Variants in DGKH observed in about 807,000 individuals in gnomAD.
DGKH encodes DAG kinase eta.
DGKH carries 90 observed loss-of-function variants against 159.3 expected under a neutral mutation model. That is an observed-to-expected ratio of 0.57 (90% CI 0.48 to 0.67). The LOEUF (loss-of-function observed/expected upper bound fraction) is 0.67, where lower values mean the gene tolerates loss of function less well. DGKH is among the 30% of genes least tolerant of loss of function. The pLI is 0.00. For missense variants in DGKH, 1,181 were observed against 1,506.1 expected (o/e 0.78, Z 3.57); for synonymous variants, 536 against 553.8 (o/e 0.97, Z 0.45).
At chr13:42,060,724 C>T (rs1051591158) in intron 1 of DGKH, among the ~76,000 whole-genome samples, 13 of 152,178 alleles carry the variant, frequency 8.5e-5, no homozygotes, top group African/African-American at 2.7e-4. Flanking sequence ...CACTCATAGT[C>T]AGTGGTCACC....
chr13:42,214,513 T>G lies in DGKH; in HGVS notation c.3021T>G (p.Cys1007Trp). 6.2e-7 allele frequency: 1 copy of G among 1,611,052 alleles called. No homozygotes were observed. Residue 1007 changes from cysteine (C) to tryptophan (W), a missense_variant, in exon 25 of 30, where the codon TGT becomes TGG. Around this residue, in one of 5 missense-constraint regions of DGKH, gnomAD observed 335 missense variants for 495.2 expected, o/e 0.68. Coordinates refer to ENST00000337343, the MANE Select transcript of DGKH (RefSeq NM_178009.5). Reference protein sequence around the residue: ...QAAEELITRICDAATIHCLLE... With the variant: ...QAAEELITRIWDAATIHCLLE... The stretch of plus-strand genomic sequence containing the variant: ...GTTTCATTTTTGCTTTTAGGATATG[T>G]GACGCAGCCACAATTCACTGTCTTT...
Position 42,160,037 on chromosome 13 carries a change from G to A in DGKH, c.756G>A (p.Glu252=), listed in dbSNP as rs1457519010. Residue 252 remains glutamate, a synonymous_variant, in exon 7 of 30, where the codon GAG becomes GAA. Transcript: ENST00000337343. ...TCGCGATGCCTCACCAGTGGCTTGAGGGCAACCTGCCTGTAAGTGCCAAGT... is the reference window on the plus strand; with the variant it reads ...TCGCGATGCCTCACCAGTGGCTTGAAGGCAACCTGCCTGTAAGTGCCAAGT... ...DGVAMPHQWL[E]GNLPVSAKCA... is the part of the protein sequence containing the mutation. 3.1e-6 allele frequency: 5 copies of A among 1,614,200 alleles called. No homozygotes were observed. Among genetic ancestry groups the A allele is most frequent in the Non-Finnish European group, 4.2e-6 (5 of 1,180,042 alleles).
At chr13:42,058,250 T>G (rs1881900392) in intron 1 of DGKH, among the ~76,000 whole-genome samples, 1 of 152,198 alleles carries the variant, frequency 6.6e-6, no homozygotes, top group Non-Finnish European at 1.5e-5. Flanking sequence ...TGAAATGACA[T>G]ATAACAAAAC....
chr13:42,085,672 A>C (rs929381865), intron 1 of DGKH, among the ~76,000 whole-genome samples: 2 of 152,248 alleles, frequency 1.3e-5, no homozygotes, highest in Admixed American at 6.5e-5. Flanking sequence ...AAAACGAGCC[A>C]GAGTTTGATT....
chr13:42,118,000 G>A (rs1159646227), intron 1 of DGKH, among the ~76,000 whole-genome samples: 1 of 152,082 alleles, frequency 6.6e-6, no homozygotes, highest in Non-Finnish European at 1.5e-5. Flanking sequence ...GGCGGATCAC[G>A]AGGTCAGGAG....
rs2138320223 is a variant in DGKH at position 42,239,570 on chromosome 13, G to A, written c.*10382G>A. The A allele has an allele frequency of 6.6e-6, 1 of 152,556 alleles. No individual in the cohort carries two copies. The highest frequency in any genetic ancestry group is 1.9e-4 in the East Asian group (1 of 5,184). The allele number at this position is 152,556 out of a possible 1,614,324, so 9.5% of individuals were successfully genotyped here. The stretch of plus-strand genomic sequence containing the variant: ...TTCTCATTAGTTGCAGTAAAGTGTT[G>A]ATTTCATTGCTGCCTTTCAGGCCTT... On this transcript the variant is annotated 3_prime_UTR_variant, in exon 30 of 30. Coordinates refer to ENST00000337343, the MANE Select transcript of DGKH (RefSeq NM_178009.5).
intron 1 of DGKH, among the ~76,000 whole-genome samples, chr13:42,086,161 G>T (rs552337759): frequency 6.6e-6 from 1 of 152,008 alleles, no homozygotes; most frequent in East Asian, 1.9e-4. Context: ...CAAGTAATCC[G>T]CCCACCTTTG....
At chr13:42,075,384 A>C (rs940015934) in intron 1 of DGKH, among the ~76,000 whole-genome samples, 2 of 152,242 alleles carry the variant, frequency 1.3e-5, no homozygotes, top group African/African-American at 4.8e-5. Context: ...TCATCATGAA[A>C]GTGTGTCTCT....
intron 1 of DGKH, among the ~76,000 whole-genome samples, chr13:42,092,423 A>T (rs1954436729): frequency 6.6e-6 from 1 of 152,212 alleles, no homozygotes; most frequent in Non-Finnish European, 1.5e-5. Context: ...CATGAAAAGA[A>T]TGAAATTCTG....
Position 42,206,123 on chromosome 13 carries a change from TG to T in DGKH, c.2582del (p.Gly861ValfsTer22). 1 of 1,449,818 alleles carries T rather than the reference TG, an allele frequency of 6.9e-7. No homozygotes were observed. Among genetic ancestry groups the T allele is most frequent in the Non-Finnish European group, 9.1e-7 (1 of 1,093,876 alleles). The allele number at this position is 1,449,818 out of a possible 1,614,324, so 89.8% of individuals were successfully genotyped here. ...IPSYAGGTNF[W>X]GGTKEDDIFA... The stretch of plus-strand genomic sequence containing the variant: ...CAGCTATGCTGGAGGCACTAACTTT[TG>T]GGGTGGAACTAAAGAGGATGATGTA... On this transcript the variant is annotated frameshift_variant, in exon 21 of 30. Transcript: ENST00000337343. LOFTEE classifies it high-confidence loss of function.
intron 1 of DGKH, among the ~76,000 whole-genome samples, chr13:42,127,237 A>G (rs1467219788): frequency 6.6e-6 from 1 of 152,156 alleles, no homozygotes; most frequent in Non-Finnish European, 1.5e-5. Flanking sequence ...TGTCTTGCCT[A>G]TTATTTGTGA....
intron 17 of DGKH, among the ~76,000 whole-genome samples, chr13:42,196,909 C>T (rs983961132): frequency 6.6e-6 from 1 of 152,098 alleles, no homozygotes; most frequent in Non-Finnish European, 1.5e-5. Context: ...TTGGGATAAC[C>T]CCTCTGGAAT....
At chr13:42,163,684 C>A (rs1188202482) in intron 7 of DGKH, among the ~76,000 whole-genome samples, 2 of 151,932 alleles carry the variant, frequency 1.3e-5, no homozygotes, top group African/African-American at 2.4e-5. Context: ...CTGTTCATAT[C>A]CTTTGCCCAC....
intron 1 of DGKH, among the ~76,000 whole-genome samples, chr13:42,058,352 GT>G (rs1345079414): frequency 6.6e-6 from 1 of 152,186 alleles, no homozygotes; most frequent in East Asian, 1.9e-4. Context: ...TAACATCACA[GT>G]TTCTGAGAAC....
chr13:42,129,690 C>G, intron 3 of DGKH, 58 bp downstream of exon 3: 1 of 1,483,962 alleles, frequency 6.7e-7, no homozygotes, highest in Non-Finnish European at 9.3e-7. Flanking sequence ...CTTTCTTAAG[C>G]GTGTACAGAA....
At position 42,133,723 on chromosome 13, in the gene DGKH, A is replaced by G. The variant is rs569467810; in HGVS notation, c.384+4091A>G. Among the ~76,000 whole-genome samples the G allele has an allele frequency of 1.6e-4, 25 of 152,226 alleles. No individual in the cohort carries two copies. In the South Asian group the frequency reaches 5.2e-3, roughly 32 times the overall value. On this transcript the variant is annotated intron_variant, in intron 3 of 29. Coordinates refer to ENST00000337343, the MANE Select transcript of DGKH (RefSeq NM_178009.5). ...AAACAAAACAAAACAAAATAAAAGA[A>G]CAAAGAACAAAGAAACAAAAACAAA...
chr13:42,146,894 A>G (rs144936890), intron 3 of DGKH, among the ~76,000 whole-genome samples: 15 of 152,300 alleles, frequency 9.8e-5, no homozygotes, highest in African/African-American at 3.6e-4. Context: ...ATAAATGTTT[A>G]TTGCCTATTC....
intron 1 of DGKH, among the ~76,000 whole-genome samples, chr13:42,054,180 C>T (rs1881579324): frequency 6.6e-6 from 1 of 152,080 alleles, no homozygotes; most frequent in Non-Finnish European, 1.5e-5. Context: ...GGTGGCAGCC[C>T]ATTACTGGGT....
At chr13:42,247,224 G>C (rs1958587713), downstream of DGKH, among the ~76,000 whole-genome samples, 1 of 135,224 alleles carries the variant, frequency 7.4e-6, no homozygotes, top group South Asian at 2.4e-4. Flanking sequence ...CCTACACTAT[G>C]TATACTTTTT....
Sources: allele counts gnomAD v4.1 joint callset (sites outside exome capture counted in the v4.1 genomes callset), GRCh38; gene constraint gnomAD v4.1.1; regional missense constraint gnomAD v4.1.1; transcripts MANE v1.5; gene names NCBI Gene and HGNC (gene_info 2026-07-23, HGNC 2026-07-21).